The following B3GALT1 variants were observed in gnomAD, a reference collection of about 807,000 sequenced individuals.
The protein encoded by B3GALT1 is UDP-Gal:betaGlcNAc beta 1,3-galactosyltransferase, polypeptide 1.
In B3GALT1, 10 loss-of-function variants were observed where a neutral mutation model predicts 23.2. That is an observed-to-expected ratio of 0.43 (90% CI 0.27 to 0.73). The LOEUF (loss-of-function observed/expected upper bound fraction) is 0.73. B3GALT1 is among the 30% of genes least tolerant of loss of function. The pLI, the probability that B3GALT1 is intolerant of heterozygous loss-of-function variation, is 0.21. For missense variants in B3GALT1, 299 were observed against 405.4 expected (o/e 0.74, Z 2.25); for synonymous variants, 156 against 141.5 (o/e 1.10, Z -0.73).
At chr2:167,563,362 TC>T (rs1248012049) in intron 2 of B3GALT1, among the ~76,000 whole-genome samples, 1 of 105,454 alleles carries the variant, frequency 9.5e-6, no homozygotes, top group Non-Finnish European at 1.9e-5. Context: ...GGGGGCTGAC[TC>T]CCCCACCTCC....
intron 1 of B3GALT1, among the ~76,000 whole-genome samples, chr2:167,337,209 T>TA (rs916663087): frequency 1.8e-4 from 28 of 151,366 alleles, no homozygotes; most frequent in Non-Finnish European, 8.8e-5. Flanking sequence ...AAAGGATATA[T>TA]TTTTTTTTGT....
chr2:167,566,281 CAT>C (rs1440606003), intron 2 of B3GALT1, among the ~76,000 whole-genome samples: 2 of 150,974 alleles, frequency 1.3e-5, no homozygotes, highest in Non-Finnish European at 2.9e-5. Context: ...TGTTCTCACT[CAT>C]AGATGGGACT....
rs1219371997 is a variant in B3GALT1, at chr2:167,665,174, C to G, written c.-352+18208C>G. Among the ~76,000 whole-genome samples the G allele has an allele frequency of 9.6e-3, 1,406 of 146,780 alleles. 13 individuals carry two copies. Among genetic ancestry groups the G allele is most frequent in the African/African-American group, 0.028 (1,057 of 37,736 alleles). ...TTTATTGAGAGTTTTTAGCATGAAG[C>G]GTTGTTGAATTTTGTCAAAGGCCTT... On this transcript the variant is annotated intron_variant, in intron 3 of 4. Transcript: ENST00000392690.
chr2:167,869,909 G>A lies in B3GALT1; in HGVS notation c.870G>A (p.Met290Ile), dbSNP rs1370381358. ...FQNSGFNHWK[M>I]AYSLCRYRRV... ...ACAGTGGCTTCAATCACTGGAAAAT[G>A]GCCTACAGTTTGTGTAGGTATCGCC... The change falls in exon 5 of 5, where the codon ATG (methionine) becomes ATA (isoleucine). Residue 290 changes from methionine (M) to isoleucine (I), a missense_variant. Physicochemically the swap from Met to Ile is conservative, Grantham distance 10. Coordinates refer to ENST00000392690, the MANE Select transcript of B3GALT1 (RefSeq NM_020981.4). The surrounding 1 kb of genome is among the most constrained non-coding windows in gnomAD (Gnocchi z 6.4). 3 of 1,614,156 alleles carry A rather than the reference G, an allele frequency of 1.9e-6. No homozygotes were observed. The South Asian group carries it at 3.3e-5, about 18-fold the overall frequency.
In B3GALT1 at chr2:167,466,323, AAGATGGTCTTGAG is replaced by A. The variant is rs563398514; in HGVS notation, c.-510-23853_-510-23841del. On this transcript the variant is annotated intron_variant, in intron 1 of 4. Coordinates refer to ENST00000392690, the MANE Select transcript of B3GALT1 (RefSeq NM_020981.4). ...CATGTTATTTACGAATATTTCAAGA[AAGATGGTCTTGAG>A]GCCGGGCGCGGTGGCTCACACCTGT... 1.9e-3 allele frequency among the ~76,000 whole-genome samples: 287 copies of A among 152,254 alleles called. 1 individual carries two copies. Among genetic ancestry groups the A allele is most frequent in the African/African-American group, 6.8e-3 (282 of 41,562 alleles).
At chr2:167,403,551 T>G (rs1698228444) in intron 1 of B3GALT1, among the ~76,000 whole-genome samples, 1 of 151,836 alleles carries the variant, frequency 6.6e-6, no homozygotes, top group Admixed American at 6.6e-5. Context: ...TGGTTTTGGT[T>G]GACTTAGTGT....
intron 3 of B3GALT1, among the ~76,000 whole-genome samples, chr2:167,710,592 A>C (rs1319247674): frequency 6.6e-6 from 1 of 152,216 alleles, no homozygotes; most frequent in African/African-American, 2.4e-5. Context: ...CTCCTAGGGC[A>C]TTAATGTCTA....
chr2:167,758,820 G>C (rs1030715633), intron 3 of B3GALT1, among the ~76,000 whole-genome samples: 12 of 152,106 alleles, frequency 7.9e-5, no homozygotes, highest in African/African-American at 2.9e-4. Context: ...AGATGGTCAG[G>C]CTCAGATCCC....
intron 3 of B3GALT1, among the ~76,000 whole-genome samples, chr2:167,717,944 G>A (rs1386042877): frequency 6.6e-6 from 1 of 152,134 alleles, no homozygotes; most frequent in African/African-American, 2.4e-5. Context: ...GTTTACTAGT[G>A]AAATCATTTT....
At chr2:167,788,640 C>A (rs564266608) in intron 3 of B3GALT1, among the ~76,000 whole-genome samples, 1 of 152,150 alleles carries the variant, frequency 6.6e-6, no homozygotes, top group East Asian at 1.9e-4. Flanking sequence ...ACTGTTGAAG[C>A]TTCACTCCTT....
intron 2 of B3GALT1, among the ~76,000 whole-genome samples, chr2:167,505,983 C>T (rs543746870): frequency 6.2e-4 from 95 of 152,182 alleles, no homozygotes; most frequent in African/African-American, 2.2e-3. Context: ...TCACTTGAAC[C>T]CAGGAGGTGG....
intron 1 of B3GALT1, among the ~76,000 whole-genome samples, chr2:167,376,514 T>C (rs890917466): frequency 6.6e-6 from 1 of 152,178 alleles, no homozygotes; most frequent in African/African-American, 2.4e-5. Flanking sequence ...TGATTCAATT[T>C]CAAAAGTTGA....
intron 1 of B3GALT1, among the ~76,000 whole-genome samples, chr2:167,406,704 A>G (rs1485473887): frequency 6.6e-6 from 1 of 152,182 alleles, no homozygotes; most frequent in African/African-American, 2.4e-5. Context: ...AGGGGGCAGG[A>G]CTGACATTCC....
chr2:167,631,769 C>CTTTTTTTTTTTTTTTTTTTTCTTTTT (rs558837779), intron 2 of B3GALT1, among the ~76,000 whole-genome samples: 1 of 120,594 alleles, frequency 8.3e-6, no homozygotes, highest in African/African-American at 3.2e-5. Flanking sequence ...CTTTTCTTTT[C>CTTTTTTTTTTTTTTTTTTTTCTTTTT]TTTTTTTTTT....
chr2:167,873,728 T>A lies in B3GALT1; in HGVS notation c.*3708T>A, dbSNP rs1454738433. On this transcript the variant is annotated 3_prime_UTR_variant, in exon 5 of 5. Transcript: ENST00000392690. The stretch of plus-strand genomic sequence containing the variant: ...ATGATTGTATTTATGTATTTATTTG[T>A]CAAAATTGTACATACTGTTTCGCCA... 1.3e-5 allele frequency: 2 copies of A among 152,260 alleles called. No individual in the cohort carries two copies. Among genetic ancestry groups the A allele is most frequent in the African/African-American group, 4.8e-5 (2 of 41,480 alleles). 9.4% of individuals were successfully genotyped at this position (152,260 alleles called of 1,614,324 possible). A position where few individuals can be genotyped will look rare whatever the true frequency, so the allele number is the denominator to read the frequency against.
chr2:167,313,913 C>A (rs1297817659), intron 1 of B3GALT1, among the ~76,000 whole-genome samples: 2 of 152,096 alleles, frequency 1.3e-5, no homozygotes, highest in Non-Finnish European at 2.9e-5. Context: ...TTATTTAAAT[C>A]CTGTATTATG....
At chr2:167,477,567 A>G (rs1035053515) in intron 1 of B3GALT1, among the ~76,000 whole-genome samples, 14 of 152,226 alleles carry the variant, frequency 9.2e-5, no homozygotes, top group Non-Finnish European at 1.6e-4. Flanking sequence ...TCTGAAATAT[A>G]TTACTTAGTT....
chr2:167,339,033 A>G (rs1697105301), intron 1 of B3GALT1, among the ~76,000 whole-genome samples: 1 of 152,136 alleles, frequency 6.6e-6, no homozygotes, highest in Admixed American at 6.6e-5. Flanking sequence ...TTAAATTAGA[A>G]TTATTATCTT....
chr2:167,559,722 G>A (rs1171782352), intron 2 of B3GALT1, among the ~76,000 whole-genome samples: 1 of 152,154 alleles, frequency 6.6e-6, no homozygotes, highest in African/African-American at 2.4e-5. Flanking sequence ...AAGACGAAAT[G>A]AATGAAATGA....
Sources: gnomAD v4.1 joint callset for allele counts (sites outside exome capture counted in the v4.1 genomes callset) on GRCh38, gnomAD v4.1.1 for gene constraint, Gnocchi (gnomAD v3.1) non-coding constraint, MANE v1.5 for transcripts, NCBI Gene and HGNC (gene_info 2026-07-23, HGNC 2026-07-21) for gene names.